ASCC3: variants seen among roughly 807,000 people sequenced by gnomAD.
The protein encoded by ASCC3 is ASC-1 complex subunit P200.
ASCC3 carries 158 observed loss-of-function variants against 256.3 expected under a neutral mutation model. The ratio of observed to expected loss-of-function variants is 0.62; its 90% CI spans 0.54 to 0.70. The LOEUF (loss-of-function observed/expected upper bound fraction) is 0.70, where lower values mean the gene tolerates loss of function less well. ASCC3 is among the 30% of genes least tolerant of loss of function. The pLI, the probability that ASCC3 is intolerant of heterozygous loss-of-function variation, is 0.00. For missense variants in ASCC3, 2,259 were observed against 2,626.0 expected (o/e 0.86, Z 3.05); for synonymous variants, 948 against 883.4 (o/e 1.07, Z -1.30).
chr6:100,545,088 T>C (rs1775645290), intron 36 of ASCC3, among the ~76,000 whole-genome samples: 1 of 152,128 alleles, frequency 6.6e-6, no homozygotes, highest in South Asian at 2.1e-4. Context: ...AAAAAAAATC[T>C]GACAAAGTTC....
intron 14 of ASCC3, among the ~76,000 whole-genome samples, chr6:100,667,160 A>G (rs945824669): frequency 3.9e-5 from 6 of 152,324 alleles, no homozygotes; most frequent in Non-Finnish European, 7.4e-5. Flanking sequence ...TCATACTGAT[A>G]CTACACATTC....
intron 3 of ASCC3, among the ~76,000 whole-genome samples, chr6:100,850,674 T>C (rs1772621969): frequency 6.6e-6 from 1 of 152,210 alleles, no homozygotes; most frequent in Admixed American, 6.5e-5. Flanking sequence ...TATTTCCAAT[T>C]TGTTCAAGTA....
intron 6 of ASCC3, 68 bp from the exon 7 acceptor site, chr6:100,799,640 G>T: frequency 6.7e-7 from 1 of 1,497,244 alleles, no homozygotes; most frequent in Non-Finnish European, 9.1e-7. Flanking sequence ...ACCAAAACAA[G>T]GCAATTATAA....
intron 14 of ASCC3, among the ~76,000 whole-genome samples, chr6:100,666,825 A>G (rs938926496): frequency 2.6e-5 from 4 of 152,124 alleles, no homozygotes; most frequent in Non-Finnish European, 4.4e-5. Flanking sequence ...CTCCTAACAA[A>G]TTTATGAAAC....
At chr6:100,667,886 A>G (rs1776561274) in intron 14 of ASCC3, among the ~76,000 whole-genome samples, 1 of 152,044 alleles carries the variant, frequency 6.6e-6, no homozygotes, top group Admixed American at 6.6e-5. Flanking sequence ...GAAGGAGAGA[A>G]ATAAGGGAGA....
intron 14 of ASCC3, among the ~76,000 whole-genome samples, chr6:100,662,765 T>TG (rs1316635558): frequency 2.6e-5 from 4 of 151,840 alleles, no homozygotes; most frequent in Non-Finnish European, 4.4e-5. Flanking sequence ...AGGAAAGAGG[T>TG]GAAAAGCAAG....
chr6:100,773,073 C>T (rs1378273744), intron 8 of ASCC3, among the ~76,000 whole-genome samples: 1 of 152,014 alleles, frequency 6.6e-6, no homozygotes, highest in Non-Finnish European at 1.5e-5. Flanking sequence ...GATGAGGAAA[C>T]TGAAACTTGA....
At chr6:100,866,105 G>A (rs1773465087) in intron 2 of ASCC3, among the ~76,000 whole-genome samples, 1 of 151,966 alleles carries the variant, frequency 6.6e-6, no homozygotes, top group Admixed American at 6.6e-5. Flanking sequence ...GAGTAGCTGG[G>A]ATTACAGGCG....
At chr6:100,804,790 T>C (rs1164433204) in intron 5 of ASCC3, among the ~76,000 whole-genome samples, 1 of 152,166 alleles carries the variant, frequency 6.6e-6, no homozygotes, top group Non-Finnish European at 1.5e-5. Flanking sequence ...GGAACATTTA[T>C]ATACTGTTGG....
intron 4 of ASCC3, among the ~76,000 whole-genome samples, chr6:100,846,543 C>T (rs552491426): frequency 6.6e-6 from 1 of 152,250 alleles, no homozygotes; most frequent in Admixed American, 6.5e-5. Flanking sequence ...TTGTCATACA[C>T]CTTAACAAGG....
chr6:100,781,566 T>G (rs1365025479), intron 8 of ASCC3, among the ~76,000 whole-genome samples: 1 of 151,214 alleles, frequency 6.6e-6, no homozygotes, highest in Non-Finnish European at 1.5e-5. Context: ...TTTTTTTTTT[T>G]TTTAGTAGAG....
chr6:100,876,094 T>C (rs753429811), intron 1 of ASCC3, among the ~76,000 whole-genome samples: 1 of 152,032 alleles, frequency 6.6e-6, no homozygotes, highest in Non-Finnish European at 1.5e-5. Flanking sequence ...TCTCTGAGAA[T>C]GCAGGCGAGA....
At chr6:100,584,214 G>A (rs1247082394) in intron 36 of ASCC3, among the ~76,000 whole-genome samples, 1 of 151,088 alleles carries the variant, frequency 6.6e-6, no homozygotes, top group Non-Finnish European at 1.5e-5. Context: ...ATTAATGTGT[G>A]GGAGTCTAAG....
intron 30 of ASCC3, 130 bp from the exon 31 acceptor site, chr6:100,607,218 C>T: frequency 1.1e-6 from 1 of 938,338 alleles, no homozygotes; most frequent in South Asian, 1.6e-5. Flanking sequence ...GTCCTATATA[C>T]AGTTATGATT....
chr6:100,856,264 T>C (rs1270295729), intron 3 of ASCC3: 3 of 405,776 alleles, frequency 7.4e-6, no homozygotes, highest in Non-Finnish European at 6.7e-6. Context: ...CATATATTTA[T>C]GGATGTATAA....
intron 8 of ASCC3, among the ~76,000 whole-genome samples, chr6:100,782,403 A>T (rs910455277): frequency 1.1e-4 from 16 of 152,192 alleles, no homozygotes; most frequent in Admixed American, 7.2e-4. Context: ...AAAAAGTTTG[A>T]AATCCAATGC....
chr6:100,700,679 A>G (rs1421931965), intron 13 of ASCC3, among the ~76,000 whole-genome samples: 2 of 152,214 alleles, frequency 1.3e-5, no homozygotes, highest in Non-Finnish European at 2.9e-5. Flanking sequence ...TGAGACATGG[A>G]GTCAAAGGAG....
chr6:100,817,688 C>T (rs1331127177), intron 4 of ASCC3, among the ~76,000 whole-genome samples: 1 of 151,974 alleles, frequency 6.6e-6, no homozygotes, highest in African/African-American at 2.4e-5. Flanking sequence ...AAGGGAAAAA[C>T]TCCTAGAAAG....
intron 8 of ASCC3, among the ~76,000 whole-genome samples, chr6:100,771,082 A>G (rs1052043434): frequency 7.2e-5 from 11 of 152,174 alleles, no homozygotes; most frequent in African/African-American, 2.7e-4. Context: ...TTACATAAAT[A>G]CAAACAAATC....
Sources: gnomAD v4.1 joint callset for allele counts (sites outside exome capture counted in the v4.1 genomes callset) on GRCh38, gnomAD v4.1.1 for gene constraint, MANE v1.5 for transcripts, NCBI Gene and HGNC (gene_info 2026-07-23, HGNC 2026-07-21) for gene names.